Variants in BEST3 observed in about 807,000 individuals in gnomAD.
The protein encoded by BEST3 is bestrophin-3.
In BEST3, 50 loss-of-function variants were observed where a neutral mutation model predicts 47.1. The observed-to-expected ratio is 1.06, with a 90% confidence interval of 0.85 to 1.34. The LOEUF (loss-of-function observed/expected upper bound fraction) is 1.34. Among genes scored for constraint, BEST3 ranks in the 40% most tolerant of loss-of-function variants. BEST3 has a pLI of 0.00. For missense variants in BEST3, 765 were observed against 817.0 expected, an observed-to-expected ratio of 0.94 and a Z score of 0.78; for synonymous variants, 282 against 298.8, an observed-to-expected ratio of 0.94 and a Z score of 0.58.
Position 69,694,403 on chromosome 12 carries a change from A to G in BEST3, c.214T>C (p.Tyr72His). 6.2e-7 allele frequency: 1 copy of G among 1,609,500 alleles called. No homozygotes were observed. The highest frequency in any genetic ancestry group is 1.1e-5 in the South Asian group (1 of 90,358). ...AAGGTTACTGGAATTTGTTCAGCAT[A>G]TCTGTCACAGTAAATTGATAATTTT... ...FEKLSIYCDR[Y>H]AEQIPVTFVL... is the part of the protein sequence containing the mutation. The change falls in exon 3 of 10, where the codon TAT becomes CAT. Residue 72 changes from tyrosine to histidine, a missense_variant. Transcript: ENST00000330891.
In BEST3 at chr12:69,678,742, C is replaced by A. The variant is rs199554316; in HGVS notation, c.633G>T (p.Met211Ile). 670 of 1,613,792 alleles carry A rather than the reference C, an allele frequency of 4.2e-4. No individual in the cohort carries two copies. Among genetic ancestry groups the A allele is most frequent in the Non-Finnish European group, 5.4e-4 (632 of 1,179,858 alleles). ...TTATGATTTATGATATACTTACAGT[C>A]ATCAATGATTGCAGATCAACACTGT... ...IRDSVDLQSL[M>I]TEMNRYRSWC... Residue 211 changes from methionine (M) to isoleucine (I), a missense_variant, in exon 5 of 10, where the codon ATG becomes ATT. Transcript: ENST00000330891.
intron 3 of BEST3, chr12:69,694,135 A>C (rs1886041859): frequency 1.8e-6 from 1 of 570,054 alleles, no homozygotes; most frequent in Non-Finnish European, 3.1e-6. Flanking sequence ...AAAAATGGAG[A>C]GTTAGTGAAG....
At chr12:69,665,034 C>G (rs1009234790) in intron 9 of BEST3, among the ~76,000 whole-genome samples, 2 of 151,964 alleles carry the variant, frequency 1.3e-5, no homozygotes, top group African/African-American at 4.8e-5. Flanking sequence ...GTGGACAGCA[C>G]TACAGCGAAC....
At chr12:69,675,380 T>G (rs898978913) in intron 7 of BEST3, among the ~76,000 whole-genome samples, 1 of 152,124 alleles carries the variant, frequency 6.6e-6, no homozygotes, top group Non-Finnish European at 1.5e-5. Flanking sequence ...CCTCCCAAAG[T>G]GCTGGGGTTA....
downstream of BEST3, among the ~76,000 whole-genome samples, chr12:69,651,399 A>T (rs1413857400): frequency 6.6e-6 from 1 of 152,234 alleles, no homozygotes; most frequent in Non-Finnish European, 1.5e-5. Context: ...TCCTTATCCC[A>T]TTATAACTCA....
chr12:69,672,907 CAGTT>C lies in BEST3; in HGVS notation c.922_925del (p.Asn308GlyfsTer12), dbSNP rs1245601739. 3.7e-6 allele frequency: 6 copies of C among 1,612,432 alleles called. No individual in the cohort carries two copies. The highest frequency in any genetic ancestry group is 1.7e-4 in the Middle Eastern group (1 of 6,060). On this transcript the variant is annotated frameshift_variant, in exon 8 of 10. Coordinates refer to ENST00000330891, the MANE Select transcript of BEST3 (RefSeq NM_032735.3). LOFTEE classifies it high-confidence loss of function. The stretch of plus-strand genomic sequence containing the variant: ...AACCTGCAAATTTCTGTCAATGCAC[CAGTT>C]AGTTTCAAAATCATCATCATCTTCT...
intron 1 of BEST3, among the ~76,000 whole-genome samples, chr12:69,698,029 A>G (rs1886198076): frequency 6.6e-6 from 1 of 152,234 alleles, no homozygotes; most frequent in African/African-American, 2.4e-5. Context: ...GAGTAATATT[A>G]GACATCTTAA....
intron 4 of BEST3, among the ~76,000 whole-genome samples, chr12:69,685,822 G>A (rs1786680250): frequency 6.6e-6 from 1 of 152,326 alleles, no homozygotes; most frequent in East Asian, 1.9e-4. Flanking sequence ...GAAACATTGA[G>A]TGGATAGCCT....
Position 69,672,932 on chromosome 12 carries a change from C to G in BEST3, c.901G>C (p.Asp301His), listed in dbSNP as rs766243934. The G allele has an allele frequency of 6.2e-6, 10 of 1,613,632 alleles. No individual in the cohort carries two copies. The highest frequency in any genetic ancestry group is 8.5e-6 in the Non-Finnish European group (10 of 1,179,814). Residue 301 changes from aspartate (D) to histidine (H), a missense_variant, in exon 8 of 10, where the codon GAT (aspartate) becomes CAT (histidine). Transcript: ENST00000330891. ...CAGTTAGTTTCAAAATCATCATCAT[C>G]TTCTCCAAAAGGGTTGATAAGCTGC... is the stretch of plus-strand genomic sequence containing the variant. ...AEQLINPFGE[D>H]DDDFETNWCI...
chr12:69,661,033 A>C (rs1006018344), intron 9 of BEST3: 1 of 152,210 alleles, frequency 6.6e-6, no homozygotes, highest in Non-Finnish European at 1.5e-5. Flanking sequence ...GCAGAAGAAC[A>C]TGCTTCACCC....
chr12:69,671,394 G>T (rs1177733640), intron 9 of BEST3, 34 bp downstream of exon 9: 3 of 1,573,894 alleles, frequency 1.9e-6, no homozygotes, highest in Admixed American at 1.8e-5. Flanking sequence ...GCTCAGGCTG[G>T]AAAATATTAG....
intron 4 of BEST3, among the ~76,000 whole-genome samples, chr12:69,686,023 T>C (rs909810104): frequency 2.0e-5 from 3 of 152,112 alleles, no homozygotes; most frequent in African/African-American, 7.2e-5. Context: ...GCTCATCATG[T>C]GAGACTACAG....
intron 2 of BEST3, among the ~76,000 whole-genome samples, chr12:69,697,073 T>A (rs546430903): frequency 6.6e-6 from 1 of 152,288 alleles, no homozygotes; most frequent in East Asian, 1.9e-4. Context: ...TTTGTGAACA[T>A]AATATACCCT....
At chr12:69,661,450 C>T (rs1162933368) in intron 9 of BEST3, 1 of 152,178 alleles carries the variant, frequency 6.6e-6, no homozygotes, top group Non-Finnish European at 1.5e-5. Flanking sequence ...CACAGTCAGG[C>T]GACTGCCTTG....
chr12:69,654,908 C>T lies in BEST3; in HGVS notation c.2006G>A (p.Ter669=), dbSNP rs758767382. ...CCAGGTCCTAGAACTTGGTGGCACT[C>T]ATTTGGGTGATTCCTCAGTTTCCTT... is the stretch of plus-strand genomic sequence containing the variant. ...LNKETEESPK[*] The change falls in exon 10 of 10, where the codon TGA becomes TAA. Residue 669 remains the stop codon, a stop_retained_variant. Coordinates refer to ENST00000330891, the MANE Select transcript of BEST3 (RefSeq NM_032735.3). 355 of 1,608,216 alleles carry T rather than the reference C, an allele frequency of 2.2e-4. No individual in the cohort carries two copies. The highest frequency in any genetic ancestry group is 2.9e-4 in the Non-Finnish European group (344 of 1,176,400).
At chr12:69,667,307 G>A (rs1016918450) in intron 9 of BEST3, among the ~76,000 whole-genome samples, 1 of 151,738 alleles carries the variant, frequency 6.6e-6, no homozygotes, top group African/African-American at 2.4e-5. Flanking sequence ...CTTTTTTTGA[G>A]ATGGAGTTTT....
chr12:69,651,617 A>G (rs1407447635), downstream of BEST3, among the ~76,000 whole-genome samples: 1 of 152,042 alleles, frequency 6.6e-6, no homozygotes, highest in African/African-American at 2.4e-5. Flanking sequence ...TACTAAAAAT[A>G]CAAAAAAATT....
At position 69,677,168 on chromosome 12, in the gene BEST3, AG is replaced by A; in HGVS notation, c.714+11del. ...AGTAGAAATAAAGAATTCCATGAAAAGTATTTCTTACCTGGGTGTAAACCAG... is the reference window on the plus strand; with the variant it reads ...AGTAGAAATAAAGAATTCCATGAAAATATTTCTTACCTGGGTGTAAACCAG... On this transcript the variant is annotated intron_variant, in intron 6 of 9. Transcript: ENST00000330891. 6.2e-7 allele frequency: 1 copy of A among 1,613,682 alleles called. No homozygotes were observed. Among genetic ancestry groups the A allele is most frequent in the Non-Finnish European group, 8.5e-7 (1 of 1,179,670 alleles).
intron 1 of BEST3, among the ~76,000 whole-genome samples, chr12:69,698,022 T>A (rs1274667573): frequency 6.6e-6 from 1 of 152,272 alleles, no homozygotes; most frequent in African/African-American, 2.4e-5. Flanking sequence ...CTGGGAAGAG[T>A]AATATTAGAC....
Sources: allele counts gnomAD v4.1 joint callset (sites outside exome capture counted in the v4.1 genomes callset), GRCh38; gene constraint gnomAD v4.1.1; transcripts MANE v1.5; gene names NCBI Gene and HGNC (gene_info 2026-07-23, HGNC 2026-07-21).